The following RHOJ variants were observed in gnomAD, a reference collection of about 807,000 sequenced individuals.
RHOJ encodes the protein rho-related GTP-binding protein RhoJ.
RHOJ carries 11 observed loss-of-function variants against 23.4 expected under a neutral mutation model. The ratio of observed to expected loss-of-function variants is 0.47; its 90% CI spans 0.30 to 0.78. RHOJ has a LOEUF of 0.78. Ranked by LOEUF, RHOJ falls within the 30% of genes least tolerant of loss-of-function variation. The pLI is 0.08. For missense variants in RHOJ, 254 were observed against 273.4 expected, an observed-to-expected ratio of 0.93 and a Z score of 0.50; for synonymous variants, 102 against 102.7, an observed-to-expected ratio of 0.99 and a Z score of 0.04.
At chr14:63,265,597 G>A (rs1895353356) in intron 1 of RHOJ, among the ~76,000 whole-genome samples, 1 of 152,212 alleles carries the variant, frequency 6.6e-6, no homozygotes, top group South Asian at 2.1e-4. Flanking sequence ...GTCAAACTTT[G>A]TAAAATATTT....
chr14:63,258,184 C>A (rs536825419), intron 1 of RHOJ, among the ~76,000 whole-genome samples: 1 of 146,300 alleles, frequency 6.8e-6, no homozygotes, highest in Non-Finnish European at 1.5e-5. Context: ...GCCAAGATCA[C>A]GCCATTGCAC....
chr14:63,277,329 T>C (rs1444839297), intron 2 of RHOJ, among the ~76,000 whole-genome samples: 1 of 152,124 alleles, frequency 6.6e-6, no homozygotes, highest in Non-Finnish European at 1.5e-5. Context: ...AATAACCCCT[T>C]GGGTGCATCC....
At chr14:63,210,802 T>C (rs1469566858) in intron 1 of RHOJ, among the ~76,000 whole-genome samples, 1 of 152,230 alleles carries the variant, frequency 6.6e-6, no homozygotes, top group Non-Finnish European at 1.5e-5. Context: ...TCGGGGTACA[T>C]AGGTGTGTAA....
At position 63,281,195 on chromosome 14, in the gene RHOJ, T is replaced by A. The variant is rs1881888640; in HGVS notation, c.402+60T>A. ...TGCAAAAATGGGAAGACCCTTTAGG[T>A]ACCTCGTGAACATCCTATTCTGCCA... On this transcript the variant is annotated intron_variant, in intron 3 of 4. Coordinates refer to ENST00000316754, the MANE Select transcript of RHOJ (RefSeq NM_020663.5). 4.6e-6 allele frequency: 7 copies of A among 1,505,458 alleles called. 1 individual carries two copies. Among genetic ancestry groups the A allele is most frequent in the Non-Finnish European group, 6.3e-6 (7 of 1,114,708 alleles). The allele number at this position is 1,505,458 out of a possible 1,614,324, so 93.3% of individuals were successfully genotyped here.
chr14:63,280,907 C>G, intron 2 of RHOJ, 64 bp from the exon 3 acceptor site: 2 of 1,479,112 alleles, frequency 1.4e-6, no homozygotes, highest in South Asian at 2.8e-5. Context: ...TGAAATCTGA[C>G]CTTGGAACTA....
intron 1 of RHOJ, among the ~76,000 whole-genome samples, chr14:63,234,977 C>T (rs993278038): frequency 6.6e-6 from 1 of 152,108 alleles, no homozygotes. Flanking sequence ...AACTCAGAAA[C>T]ATTGTGATCC....
At chr14:63,240,982 C>T (rs1298089222) in intron 1 of RHOJ, among the ~76,000 whole-genome samples, 1 of 152,172 alleles carries the variant, frequency 6.6e-6, no homozygotes, top group Admixed American at 6.5e-5. Context: ...CATGGCAAGT[C>T]CTCTCCGAAT....
In RHOJ at chr14:63,287,599, G is replaced by T. The variant is rs1300787424; in HGVS notation, c.499-3279G>T. ...TTCTTTTACTTGATTAGTCATTACG[G>T]TTTTTTTTTTTTTTTCTTATCACTC... On this transcript the variant is annotated intron_variant, in intron 4 of 4. Coordinates refer to ENST00000316754, the MANE Select transcript of RHOJ (RefSeq NM_020663.5). Among the ~76,000 whole-genome samples the T allele has an allele frequency of 2.0e-4, 28 of 139,368 alleles. 1 individual carries two copies. The East Asian group carries it at 4.6e-3, about 23-fold the overall frequency. The allele number at this position is 139,368 out of a possible 152,430, so 91.4% of individuals were successfully genotyped here.
rs547684572 is a variant in RHOJ, at chr14:63,223,221, A to G, written c.178+18174A>G. ...GAAGCAGTGGTCAGCCATCTGGACT[A>G]TTGGTTCTGGTGGGACCTATTGGTC... is the stretch of plus-strand genomic sequence containing the variant. On this transcript the variant is annotated intron_variant, in intron 1 of 4. Coordinates refer to ENST00000316754, the MANE Select transcript of RHOJ (RefSeq NM_020663.5). Among the ~76,000 whole-genome samples, 41 of 152,294 alleles carry G rather than the reference A, an allele frequency of 2.7e-4. No homozygotes were observed. In the South Asian group the frequency reaches 6.4e-3, roughly 24 times the overall value.
chr14:63,204,878 C>CA lies in RHOJ; in HGVS notation c.12dup (p.Glu5ArgfsTer4), dbSNP rs759879630. Reference sequence around the variant, plus strand: ...CAGCTGGAGCCGCAAGAATGAACTGCAAAGAGGGAACTGACAGCAGCTGCG... The same window carrying CA: ...CAGCTGGAGCCGCAAGAATGAACTGCAAAAGAGGGAACTGACAGCAGCTGCG... On this transcript the variant is annotated frameshift_variant, in exon 1 of 5. Coordinates refer to ENST00000316754, the MANE Select transcript of RHOJ (RefSeq NM_020663.5). LOFTEE classifies it high-confidence loss of function. 2 of 1,612,988 alleles carry CA rather than the reference C, an allele frequency of 1.2e-6. No homozygotes were observed. The highest frequency in any genetic ancestry group is 2.7e-5 in the African/African-American group (2 of 74,918).
intron 2 of RHOJ, among the ~76,000 whole-genome samples, chr14:63,276,622 C>G (rs1881726165): frequency 6.6e-6 from 1 of 152,134 alleles, no homozygotes; most frequent in African/African-American, 2.4e-5. Context: ...GAAGAGAGAT[C>G]CAGAATACAG....
intron 2 of RHOJ, 32 bp downstream of exon 2, chr14:63,269,200 G>C: frequency 6.5e-7 from 1 of 1,541,672 alleles, no homozygotes; most frequent in Non-Finnish European, 9.0e-7. Context: ...TCATTGGAGG[G>C]CGGTGGTGTA....
intron 1 of RHOJ, among the ~76,000 whole-genome samples, chr14:63,208,300 T>C (rs528930124): frequency 3.3e-5 from 5 of 152,342 alleles, no homozygotes; most frequent in African/African-American, 9.6e-5. Flanking sequence ...ATCTGCTCCA[T>C]GTAGCTTTCC....
chr14:63,211,793 T>C (rs1233794104), intron 1 of RHOJ, among the ~76,000 whole-genome samples: 1 of 152,154 alleles, frequency 6.6e-6, no homozygotes, highest in East Asian at 1.9e-4. Context: ...TCAACTTTCC[T>C]GATGAACAAT....
At chr14:63,221,765 T>C (rs866159363) in intron 1 of RHOJ, among the ~76,000 whole-genome samples, 1 of 152,222 alleles carries the variant, frequency 6.6e-6, no homozygotes, top group Non-Finnish European at 1.5e-5. Flanking sequence ...CACTACATAA[T>C]GGGCGCAGCC....
rs116473650 is a variant in RHOJ, at chr14:63,278,138, G to T, written c.238-2833G>T. ...TGGTAAATTAGCCACAATAGTGGGG[G>T]TTTTTTTTGTTTTGGGTTTATTTTT... On this transcript the variant is annotated intron_variant, in intron 2 of 4. Transcript: ENST00000316754. Among the ~76,000 whole-genome samples, 780 of 151,914 alleles carry T rather than the reference G, an allele frequency of 5.1e-3. 2 individuals carry two copies. The highest frequency in any genetic ancestry group is 0.016 in the African/African-American group (652 of 41,390).
chr14:63,205,253 G>C (rs3742628), intron 1 of RHOJ, among the ~76,000 whole-genome samples: 1 of 152,124 alleles, frequency 6.6e-6, no homozygotes, highest in African/African-American at 2.4e-5. Context: ...CTTTTCCCCC[G>C]TAAAACGAAT....
At chr14:63,252,429 T>C (rs189441372) in intron 1 of RHOJ, among the ~76,000 whole-genome samples, 47 of 152,346 alleles carry the variant, frequency 3.1e-4, no homozygotes, top group Admixed American at 9.1e-4. Context: ...ACTGATTCAG[T>C]ATCCGGTATC....
At position 63,210,308 on chromosome 14, in the gene RHOJ, A is replaced by G. The variant is rs1398235083; in HGVS notation, c.178+5261A>G. On this transcript the variant is annotated intron_variant, in intron 1 of 4. Coordinates refer to ENST00000316754, the MANE Select transcript of RHOJ (RefSeq NM_020663.5). ...GTGGCCAGTGTCACATCTACTGAAT[A>G]GCTTAACTATATAATGTGTAAATAT... Among the ~76,000 whole-genome samples, 11 of 152,336 alleles carry G rather than the reference A, an allele frequency of 7.2e-5. No homozygotes were observed. In the East Asian group the frequency reaches 2.1e-3, roughly 29 times the overall value.
Sources: gnomAD v4.1 joint callset for allele counts (sites outside exome capture counted in the v4.1 genomes callset) on GRCh38, gnomAD v4.1.1 for gene constraint, MANE v1.5 for transcripts, NCBI Gene and HGNC (gene_info 2026-07-23, HGNC 2026-07-21) for gene names.